CFAP99: variants seen among roughly 807,000 people sequenced by gnomAD.
CFAP99 encodes cilia and flagella associated protein 99.
In CFAP99, 84 loss-of-function variants were observed where a neutral mutation model predicts 82.7. The observed-to-expected ratio is 1.02, with a 90% confidence interval of 0.85 to 1.22. The LOEUF (loss-of-function observed/expected upper bound fraction) is 1.22. Ranked by LOEUF, CFAP99 falls within the 50% of genes most tolerant of loss-of-function variation. CFAP99 has a pLI of 0.00. For missense variants in CFAP99, 1,059 were observed against 983.5 expected, an observed-to-expected ratio of 1.08 and a Z score of -1.03; for synonymous variants, 456 against 429.5, an observed-to-expected ratio of 1.06 and a Z score of -0.76.
chr4:2,452,997 A>C (rs2108732235), intron 11 of CFAP99, among the ~76,000 whole-genome samples: 1 of 152,318 alleles, frequency 6.6e-6, no homozygotes, highest in Non-Finnish European at 1.5e-5. Flanking sequence ...TGGAAGGTCA[A>C]GGTTGCAGTG....
Position 2,450,946 on chromosome 4 carries a change from G to A in CFAP99, c.796-1G>A, listed in dbSNP as rs913034658. On this transcript the variant is annotated splice_acceptor_variant, in intron 8 of 14. Transcript: ENST00000635017. LOFTEE classifies it high-confidence loss of function. The stretch of plus-strand genomic sequence containing the variant: ...GGCCAGCTCTGCCCTGACTCCTGCA[G>A]GGCTCCAAGCAGCAGCTGCGGCTTC... 31 of 1,535,974 alleles carry A rather than the reference G, an allele frequency of 2.0e-5. No homozygotes were observed. The African/African-American group carries it at 3.3e-4, about 16-fold the overall frequency.
At position 2,445,554 on chromosome 4, in the gene CFAP99, T is replaced by A. The variant is rs144523041; in HGVS notation, c.642+246T>A. On this transcript the variant is annotated intron_variant, in intron 6 of 14. Coordinates refer to ENST00000635017, the Ensembl canonical transcript of CFAP99. ...CCACTGTGGTCCTATAAGTAGGTGT[T>A]GAGTGGAGCTGTCAGGCCATGGGGC... 1.1e-3 allele frequency among the ~76,000 whole-genome samples: 170 copies of A among 152,238 alleles called. No homozygotes were observed. The East Asian group carries it at 0.022, about 20-fold the overall frequency.
At chr4:2,424,524 AGGCCCTG>A (rs1311749778) in intron 1 of CFAP99, among the ~76,000 whole-genome samples, 2 of 152,124 alleles carry the variant, frequency 1.3e-5, no homozygotes, top group Admixed American at 1.3e-4. Context: ...GTGGGGACAC[AGGCCCTG>A]GGCTGATGCC....
At position 2,460,028 on chromosome 4, in the gene CFAP99, A is replaced by C. The variant is rs952121672; in HGVS notation, c.1456-9A>C. 59 of 1,535,396 alleles carry C rather than the reference A, an allele frequency of 3.8e-5. No individual in the cohort carries two copies. The highest frequency in any genetic ancestry group is 7.8e-5 in the Admixed American group (4 of 50,968). ...CTCCCAGCTTGGGGCCTCCCCTACC[A>C]CCCCACAGATCCCCGGCTACGGCCT... On this transcript the variant is annotated splice_polypyrimidine_tract_variant and intron_variant, in intron 13 of 14. Transcript: ENST00000635017.
chr4:2,445,883 G>A (rs1211760767), intron 6 of CFAP99, among the ~76,000 whole-genome samples: 1 of 152,206 alleles, frequency 6.6e-6, no homozygotes, highest in African/African-American at 2.4e-5. Flanking sequence ...TCGTATAGGT[G>A]CATGAGAGGA....
intron 5 of CFAP99, among the ~76,000 whole-genome samples, chr4:2,443,748 A>C (rs966437662): frequency 2.6e-5 from 4 of 152,116 alleles, no homozygotes; most frequent in Non-Finnish European, 5.9e-5. Flanking sequence ...CGGGGTCCCC[A>C]AGCCTGCTGC....
chr4:2,445,912 C>G (rs1009301513), intron 6 of CFAP99, among the ~76,000 whole-genome samples: 14 of 152,144 alleles, frequency 9.2e-5, no homozygotes, highest in Non-Finnish European at 1.8e-4. Flanking sequence ...GCCAAGTATT[C>G]TTTGGAAAAG....
At chr4:2,427,419 G>A (rs1005391647) in intron 2 of CFAP99, 1 of 152,678 alleles carries the variant, frequency 6.5e-6, no homozygotes, top group Non-Finnish European at 1.5e-5. Context: ...GGCCTCCAGA[G>A]GAAGCTGAGC....
intron 5 of CFAP99, among the ~76,000 whole-genome samples, chr4:2,444,415 A>T (rs1734117082): frequency 6.6e-6 from 1 of 152,032 alleles, no homozygotes; most frequent in South Asian, 2.1e-4. Context: ...AGACCCCAAG[A>T]CTCCACTTGC....
rs746898256 is a variant in CFAP99 at position 2,452,294 on chromosome 4, G to A, written c.1109G>A (p.Arg370Gln). Residue 370 changes from arginine (R) to glutamine (Q), a missense_variant, in exon 11 of 15, where the codon CGG becomes CAG. Transcript: ENST00000635017. ...AGCCATGAGGAGGCCGTCCTAGCCC[G>A]GCAGAGCCTCATGCAGGAGAACAAG... 4.8e-5 allele frequency: 73 copies of A among 1,535,656 alleles called. No homozygotes were observed. The East Asian group carries it at 6.4e-4, about 13-fold the overall frequency.
rs1274398599 is a variant in CFAP99 at position 2,459,378 on chromosome 4, T to C, written c.1455+120T>C. 14 of 1,206,512 alleles carry C rather than the reference T, an allele frequency of 1.2e-5. No homozygotes were observed. In the South Asian group the frequency reaches 1.7e-4, roughly 14 times the overall value. 74.7% of individuals were successfully genotyped at this position (1,206,512 alleles called of 1,614,324 possible). A position where few individuals can be genotyped will look rare whatever the true frequency, so the allele number is the denominator to read the frequency against. On this transcript the variant is annotated intron_variant, in intron 13 of 14. Coordinates refer to ENST00000635017, the Ensembl canonical transcript of CFAP99. ...GGTGGGTCTTGCACCACCTGAAACCTGGCCCGCCACCCTCCGTGACTCAAC... is the reference window on the plus strand; with the variant it reads ...GGTGGGTCTTGCACCACCTGAAACCCGGCCCGCCACCCTCCGTGACTCAAC...
At chr4:2,456,887 C>A (rs568773626) in intron 11 of CFAP99, among the ~76,000 whole-genome samples, 1 of 151,680 alleles carries the variant, frequency 6.6e-6, no homozygotes, top group Non-Finnish European at 1.5e-5. Flanking sequence ...TGTCAACACT[C>A]AACTCCTGGG....
At chr4:2,456,950 CTTTTTT>C (rs574632036) in intron 11 of CFAP99, among the ~76,000 whole-genome samples, 4 of 109,476 alleles carry the variant, frequency 3.7e-5, no homozygotes, top group Non-Finnish European at 5.4e-5. Context: ...TCTTTGAATA[CTTTTTT>C]TTTTTTTTTT....
chr4:2,460,186 C>T (rs1734585875), exon 14 of CFAP99: 1 of 1,536,132 alleles, frequency 6.5e-7, no homozygotes, highest in East Asian at 2.4e-5. Flanking sequence ...AACTGCAGAA[C>T]ATGGTGGAGC....
At chr4:2,452,928 T>C (rs1054002150) in intron 11 of CFAP99, among the ~76,000 whole-genome samples, 3 of 152,062 alleles carry the variant, frequency 2.0e-5, no homozygotes, top group African/African-American at 7.2e-5. Context: ...CCGGGCATGG[T>C]GGTGCGTGCC....
intron 11 of CFAP99, among the ~76,000 whole-genome samples, chr4:2,455,621 G>A (rs569065366): frequency 6.6e-6 from 1 of 152,330 alleles, no homozygotes; most frequent in African/African-American, 2.4e-5. Flanking sequence ...CCCAGGAGGT[G>A]GAGGTTGCAG....
intron 5 of CFAP99, among the ~76,000 whole-genome samples, chr4:2,444,804 T>C (rs773239557): frequency 1.6e-4 from 24 of 152,196 alleles, no homozygotes; most frequent in Non-Finnish European, 3.5e-4. Context: ...TCCTGGCTAC[T>C]GCTTGTCCTC....
chr4:2,452,945 G>A (rs1395664299), intron 11 of CFAP99, among the ~76,000 whole-genome samples: 1 of 151,986 alleles, frequency 6.6e-6, no homozygotes, highest in East Asian at 1.9e-4. Flanking sequence ...TGCCCGTAGT[G>A]CCACCTACTC....
chr4:2,462,612 C>A lies in CFAP99; in HGVS notation c.1831C>A (p.Pro611Thr). The A allele has an allele frequency of 4.3e-6, 6 of 1,386,016 alleles. No homozygotes were observed. Among genetic ancestry groups the A allele is most frequent in the Non-Finnish European group, 5.6e-6 (6 of 1,072,324 alleles). The allele number at this position is 1,386,016 out of a possible 1,614,324, so 85.9% of individuals were successfully genotyped here. Residue 611 changes from proline to threonine, a missense_variant, in exon 15 of 15, where the codon CCG becomes ACG. By Grantham distance (38) the Pro-to-Thr change is conservative. Coordinates refer to ENST00000635017, the Ensembl canonical transcript of CFAP99. The surrounding 1 kb of genome is among the most constrained non-coding windows in gnomAD (Gnocchi z 4.1). ...CGCGCGCCCCAAGCCCCGGGTGAGT[C>A]CGGATTGGTGGGAGGAGCCCGGGCG...
Sources: gnomAD v4.1 joint callset for allele counts (sites outside exome capture counted in the v4.1 genomes callset) on GRCh38, gnomAD v4.1.1 for gene constraint, Gnocchi (gnomAD v3.1) non-coding constraint, MANE v1.5 for transcripts, NCBI Gene and HGNC (gene_info 2026-07-23, HGNC 2026-07-21) for gene names.